Variants in AGBL1 observed in about 807,000 individuals in gnomAD.
AGBL1 encodes the protein AGBL carboxypeptidase 1.
In AGBL1, 130 loss-of-function variants were observed where a neutral mutation model predicts 118.9. The ratio of observed to expected loss-of-function variants is 1.09; its 90% CI spans 0.95 to 1.26. AGBL1 has a LOEUF of 1.26. Among genes scored for constraint, AGBL1 ranks in the 50% most tolerant of loss-of-function variants. The pLI, the probability that AGBL1 is intolerant of heterozygous loss-of-function variation, is 0.00. For synonymous variants in AGBL1, 555 were observed against 478.9 expected (o/e 1.16, Z -2.08); for missense variants, 1,584 against 1,298.1 (o/e 1.22, Z -3.38).
At chr15:86,317,729 CT>C (rs1029651029) in intron 17 of AGBL1, among the ~76,000 whole-genome samples, 4 of 152,154 alleles carry the variant, frequency 2.6e-5, no homozygotes, top group Non-Finnish European at 5.9e-5. Context: ...CAGAAGATCT[CT>C]TTTTCAACTA....
intron 5 of AGBL1, among the ~76,000 whole-genome samples, chr15:86,206,570 A>T (rs2077995776): frequency 6.6e-6 from 1 of 152,160 alleles, no homozygotes; most frequent in Non-Finnish European, 1.5e-5. Flanking sequence ...GCCAGTGATG[A>T]TGAGCATTTT....
intron 19 of AGBL1, among the ~76,000 whole-genome samples, chr15:86,534,353 T>A (rs2083393371): frequency 6.6e-6 from 1 of 152,056 alleles, no homozygotes; most frequent in African/African-American, 2.4e-5. Context: ...TGAAGAAGAG[T>A]TTCCCTTGGA....
At chr15:86,784,605 T>G (rs1224499202) in intron 22 of AGBL1, among the ~76,000 whole-genome samples, 2 of 152,156 alleles carry the variant, frequency 1.3e-5, no homozygotes. Context: ...TGGGCTTTGA[T>G]TCAGGCTGAC....
chr15:87,010,167 G>A (rs911552284), intron 24 of AGBL1, among the ~76,000 whole-genome samples: 5 of 152,172 alleles, frequency 3.3e-5, no homozygotes, highest in African/African-American at 1.2e-4. Flanking sequence ...GAGGAACCCA[G>A]TGGGAGACAA....
At chr15:86,390,660 A>ATTTTTTTTTTTTTTTTTTTTTTT (rs756052402) in intron 17 of AGBL1, among the ~76,000 whole-genome samples, 4 of 75,472 alleles carry the variant, frequency 5.3e-5, no homozygotes, top group Non-Finnish European at 9.5e-5. Flanking sequence ...ATACTGTATG[A>ATTTTTTTTTTTTTTTTTTTTTTT]TTTTTTTTTT....
At chr15:86,455,995 C>T (rs1182385286) in intron 18 of AGBL1, among the ~76,000 whole-genome samples, 1 of 152,156 alleles carries the variant, frequency 6.6e-6, no homozygotes, top group East Asian at 1.9e-4. Flanking sequence ...ACACGTCTGA[C>T]AAATAATGTT....
intron 18 of AGBL1, among the ~76,000 whole-genome samples, chr15:86,401,115 C>T: frequency 6.6e-6 from 1 of 152,138 alleles, no homozygotes; most frequent in East Asian, 1.9e-4. Flanking sequence ...TCTACGCTAA[C>T]ATCTATTACA....
chr15:86,438,902 T>C (rs1336355638), intron 18 of AGBL1, among the ~76,000 whole-genome samples: 7 of 152,068 alleles, frequency 4.6e-5, no homozygotes, highest in Admixed American at 3.3e-4. Context: ...CCTCAAGTGA[T>C]CCACCACCTC....
chr15:86,436,089 C>CTTTTTTTTTTTTTTTT (rs35296563), intron 18 of AGBL1, among the ~76,000 whole-genome samples: 1 of 111,542 alleles, frequency 9.0e-6, no homozygotes, highest in Non-Finnish European at 1.7e-5. Flanking sequence ...CCTTTCCTCT[C>CTTTTTTTTTTTTTTTT]TTTTTTTTTT....
intron 15 of AGBL1, among the ~76,000 whole-genome samples, chr15:86,272,070 G>A (rs2079171298): frequency 6.6e-6 from 1 of 152,148 alleles, no homozygotes; most frequent in East Asian, 1.9e-4. Context: ...TGTCTGAGAT[G>A]TTCTATCCTG....
chr15:86,276,454 T>G (rs1296088077), intron 15 of AGBL1, among the ~76,000 whole-genome samples: 2 of 152,196 alleles, frequency 1.3e-5, no homozygotes, highest in Non-Finnish European at 2.9e-5. Context: ...AGGATGTCAT[T>G]AGAATTGGAG....
intron 23 of AGBL1, among the ~76,000 whole-genome samples, chr15:86,931,616 G>GCTGCT (rs1567245778): frequency 6.7e-6 from 1 of 148,686 alleles, no homozygotes. Flanking sequence ...TGCTGCTGCT[G>GCTGCT]GTTGTTGTAT....
At chr15:86,342,694 A>T (rs1158494734) in intron 17 of AGBL1, among the ~76,000 whole-genome samples, 2 of 152,174 alleles carry the variant, frequency 1.3e-5, no homozygotes. Context: ...GTCGCTGTGA[A>T]ATGAAGCTTC....
chr15:86,696,621 C>T (rs568568858), intron 22 of AGBL1, among the ~76,000 whole-genome samples: 15 of 151,312 alleles, frequency 9.9e-5, no homozygotes, highest in African/African-American at 2.2e-4. Flanking sequence ...GGTACTATTC[C>T]GTTCATTGGG....
chr15:86,459,769 A>C (rs1445651468), intron 18 of AGBL1, among the ~76,000 whole-genome samples: 1 of 152,128 alleles, frequency 6.6e-6, no homozygotes, highest in African/African-American at 2.4e-5. Flanking sequence ...CTAAGGGTAT[A>C]TTCTCAAGTC....
intron 21 of AGBL1, among the ~76,000 whole-genome samples, chr15:86,666,450 T>A (rs2085646175): frequency 6.6e-6 from 1 of 152,200 alleles, no homozygotes; most frequent in African/African-American, 2.4e-5. Context: ...TTAGTTTGTT[T>A]TAGGATATAA....
chr15:86,886,683 G>C (rs4480771), intron 22 of AGBL1, among the ~76,000 whole-genome samples: 9,611 of 152,146 alleles, frequency 0.063, 818 homozygotes, highest in African/African-American at 0.2. Flanking sequence ...TTTTATGGAG[G>C]AGGTAACATT....
At chr15:86,351,624 A>G (rs2080627880) in intron 17 of AGBL1, among the ~76,000 whole-genome samples, 1 of 152,204 alleles carries the variant, frequency 6.6e-6, no homozygotes, top group African/African-American at 2.4e-5. Flanking sequence ...TACTTAGGTA[A>G]TGTGGCATCT....
chr15:86,571,680 C>G, intron 21 of AGBL1, among the ~76,000 whole-genome samples: 1 of 152,162 alleles, frequency 6.6e-6, no homozygotes. Context: ...CTGTCCTCTG[C>G]TCAAGTCAAG....
Sources: gnomAD v4.1 joint callset for allele counts (sites outside exome capture counted in the v4.1 genomes callset) on GRCh38, gnomAD v4.1.1 for gene constraint, MANE v1.5 for transcripts, NCBI Gene and HGNC (gene_info 2026-07-23, HGNC 2026-07-21) for gene names.